The following NUBPL variants were observed in gnomAD, a reference collection of about 807,000 sequenced individuals.
The protein encoded by NUBPL is NUBP iron-sulfur cluster assembly factor, mitochondrial, also known as iron-sulfur cluster transfer protein NUBPL.
NUBPL carries 31 observed loss-of-function variants against 45.7 expected under a neutral mutation model. The observed-to-expected ratio is 0.68, with a 90% CI of 0.51 to 0.92. The LOEUF is 0.92. NUBPL is among the 40% of genes least tolerant of loss of function. The pLI, the probability that NUBPL is intolerant of heterozygous loss-of-function variation, is 0.00. For missense variants in NUBPL, 401 were observed against 398.7 expected, an observed-to-expected ratio of 1.01 and a Z score of -0.05; for synonymous variants, 144 against 140.9, an observed-to-expected ratio of 1.02 and a Z score of -0.15.
chr14:31,809,828 A>G lies in NUBPL; in HGVS notation c.608-16801A>G, dbSNP rs928681071. 7.1e-5 allele frequency among the ~76,000 whole-genome samples: 10 copies of G among 140,112 alleles called. 1 individual carries two copies. The highest frequency in any genetic ancestry group is 1.5e-4 in the Admixed American group (2 of 13,332). 91.9% of individuals were successfully genotyped at this position (140,112 alleles called of 152,430 possible). A position where few individuals can be genotyped will look rare whatever the true frequency, so the allele number is the denominator to read the frequency against. ...TCTGGTACGTTATGTCTTTGTTCTC[A>G]TTGGTTTCAAAGAACATTTTTATTT... On this transcript the variant is annotated intron_variant, in intron 7 of 10. Transcript: ENST00000281081.
At chr14:31,663,058 T>G (rs1177313477) in intron 4 of NUBPL, among the ~76,000 whole-genome samples, 1 of 152,248 alleles carries the variant, frequency 6.6e-6, no homozygotes, top group African/African-American at 2.4e-5. Flanking sequence ...AAGTGTCTGT[T>G]CATATCCTTC....
intron 6 of NUBPL, among the ~76,000 whole-genome samples, chr14:31,701,326 T>C (rs1311721328): frequency 2.0e-5 from 3 of 152,190 alleles, no homozygotes; most frequent in Admixed American, 2.0e-4. Flanking sequence ...ACTCTGTGTC[T>C]AGCTCAGGGA....
chr14:31,727,019 C>T (rs964074394), intron 6 of NUBPL, among the ~76,000 whole-genome samples: 3 of 152,102 alleles, frequency 2.0e-5, no homozygotes, highest in Admixed American at 6.5e-5. Context: ...ACCAAACGTT[C>T]CTTTAGGGGC....
rs118174235 is a variant in NUBPL, at chr14:31,858,578, A to G, written c.898-540A>G. Among the ~76,000 whole-genome samples, 448 of 152,236 alleles carry G rather than the reference A, an allele frequency of 2.9e-3. 2 individuals carry two copies. Among genetic ancestry groups the G allele is most frequent in the Non-Finnish European group, 5.0e-3 (338 of 68,022 alleles). On this transcript the variant is annotated intron_variant, in intron 10 of 10. Transcript: ENST00000281081. ...GATCCCAGACATAAAGAGTGTAACA[A>G]TGGAACTAGGATTTTTTGCATGATA...
At chr14:31,700,756 C>T (rs2037315540) in intron 6 of NUBPL, among the ~76,000 whole-genome samples, 1 of 152,186 alleles carries the variant, frequency 6.6e-6, no homozygotes, top group South Asian at 2.1e-4. Flanking sequence ...CACTTGAATT[C>T]TTGCCGGGCC....
At chr14:31,813,576 G>A (rs1460887599) in intron 7 of NUBPL, among the ~76,000 whole-genome samples, 1 of 151,712 alleles carries the variant, frequency 6.6e-6, no homozygotes, top group Non-Finnish European at 1.5e-5. Context: ...TGGGATACAT[G>A]TGCAGAACAT....
chr14:31,671,925 A>G (rs2036579764), intron 4 of NUBPL, among the ~76,000 whole-genome samples: 1 of 152,180 alleles, frequency 6.6e-6, no homozygotes, highest in Non-Finnish European at 1.5e-5. Context: ...TGAAAACAGG[A>G]TACTCCTAGG....
At chr14:31,600,633 A>G (rs2034407482) in intron 4 of NUBPL, among the ~76,000 whole-genome samples, 1 of 152,238 alleles carries the variant, frequency 6.6e-6, no homozygotes, top group Non-Finnish European at 1.5e-5. Flanking sequence ...GAAAGCAGAC[A>G]TGATAGATTC....
chr14:31,860,767 C>T lies in NUBPL; in HGVS notation c.*1587C>T, dbSNP rs920953838. On this transcript the variant is annotated 3_prime_UTR_variant, in exon 11 of 11. Coordinates refer to ENST00000281081, the MANE Select transcript of NUBPL (RefSeq NM_025152.3). Reference sequence around the variant, plus strand: ...TTTCTTCATTGGGTAAATGATTAAACAAACCATAGTACATTCATACCGTGA... The same window carrying T: ...TTTCTTCATTGGGTAAATGATTAAATAAACCATAGTACATTCATACCGTGA... The T allele has an allele frequency of 2.0e-5, 3 of 152,044 alleles. No individual in the cohort carries two copies. Among genetic ancestry groups the T allele is most frequent in the African/African-American group, 7.2e-5 (3 of 41,394 alleles). The allele number at this position is 152,044 out of a possible 1,614,324, so 9.4% of individuals were successfully genotyped here. A position where few individuals can be genotyped will look rare whatever the true frequency, so the allele number is the denominator to read the frequency against.
intron 6 of NUBPL, among the ~76,000 whole-genome samples, chr14:31,705,572 G>T (rs2037431383): frequency 6.6e-6 from 1 of 151,594 alleles, no homozygotes. Flanking sequence ...AGACACAAAA[G>T]TTCTCCAAGT....
chr14:31,829,691 C>T (rs999490248), intron 8 of NUBPL, among the ~76,000 whole-genome samples: 2 of 152,082 alleles, frequency 1.3e-5, no homozygotes, highest in Admixed American at 6.6e-5. Flanking sequence ...GCATTAGTTA[C>T]CATGGAAACG....
intron 7 of NUBPL, among the ~76,000 whole-genome samples, chr14:31,814,886 A>T (rs976820467): frequency 6.6e-6 from 1 of 151,982 alleles, no homozygotes; most frequent in Admixed American, 6.6e-5. Context: ...GTTCTGTTTC[A>T]TTGGTCTGTA....
At chr14:31,701,612 C>T (rs980918376) in intron 6 of NUBPL, among the ~76,000 whole-genome samples, 1 of 152,020 alleles carries the variant, frequency 6.6e-6, no homozygotes, top group South Asian at 2.1e-4. Context: ...CTGAAGCCAG[C>T]GAGACCACAA....
chr14:31,568,079 C>T (rs902913469), intron 3 of NUBPL, among the ~76,000 whole-genome samples: 4 of 152,158 alleles, frequency 2.6e-5, no homozygotes, highest in East Asian at 3.9e-4. Flanking sequence ...TTTAGGCAAC[C>T]GTATTGAGAT....
chr14:31,775,333 G>A (rs570284148), intron 6 of NUBPL, among the ~76,000 whole-genome samples: 71 of 152,242 alleles, frequency 4.7e-4, no homozygotes, highest in African/African-American at 1.5e-3. Context: ...CAGGAGACTC[G>A]CTTCAACCTG....
intron 6 of NUBPL, among the ~76,000 whole-genome samples, chr14:31,785,275 T>C (rs2039263729): frequency 6.6e-6 from 1 of 152,216 alleles, no homozygotes; most frequent in Non-Finnish European, 1.5e-5. Context: ...TAATTTTGTA[T>C]AGTAAGGCAG....
chr14:31,565,085 A>G (rs757453665), intron 3 of NUBPL, 37 bp downstream of exon 3: 2 of 1,298,608 alleles, frequency 1.5e-6, no homozygotes, highest in South Asian at 1.3e-5. Flanking sequence ...ATTTATTAAA[A>G]TGTTTTTAAG....
intron 6 of NUBPL, among the ~76,000 whole-genome samples, chr14:31,721,070 A>G (rs982824402): frequency 4.6e-5 from 7 of 152,156 alleles, no homozygotes; most frequent in African/African-American, 1.7e-4. Context: ...GTAAAAAATG[A>G]CTCAAATTTT....
chr14:31,762,838 C>T (rs931427859), intron 6 of NUBPL, among the ~76,000 whole-genome samples: 1 of 151,824 alleles, frequency 6.6e-6, no homozygotes, highest in Non-Finnish European at 1.5e-5. Flanking sequence ...TTTTGGAGCA[C>T]ATGACTTTCA....
Sources: allele counts gnomAD v4.1 joint callset (sites outside exome capture counted in the v4.1 genomes callset), GRCh38; gene constraint gnomAD v4.1.1; transcripts MANE v1.5; gene names NCBI Gene and HGNC (gene_info 2026-07-23, HGNC 2026-07-21).